Variants in SLC35D4 observed in about 807,000 individuals in gnomAD.
SLC35D4 encodes solute carrier family 35 member D4.
the SLC35D4 span, chr18:23,373,627 G>A: frequency 2.0e-6 from 3 of 1,482,346 alleles, no homozygotes; most frequent in Non-Finnish European, 2.8e-6. Context: ...GCTTCTAAAA[G>A]GAAGGACTAG....
At chr18:23,266,422 AAC>A in the SLC35D4 span, among the ~76,000 whole-genome samples, 2 of 152,098 alleles carry the variant, frequency 1.3e-5, no homozygotes, top group South Asian at 2.1e-4. Flanking sequence ...AAAAAAAAAA[AAC>A]AAATCCTGCT....
At chr18:23,252,999 A>G in the SLC35D4 span, 1 of 1,613,796 alleles carries the variant, frequency 6.2e-7, no homozygotes, top group Non-Finnish European at 8.5e-7. Flanking sequence ...GGATCTCAAG[A>G]AGGACATGAA....
chr18:23,321,200 C>T, the SLC35D4 span, among the ~76,000 whole-genome samples: 2 of 152,198 alleles, frequency 1.3e-5, no homozygotes, highest in Admixed American at 1.3e-4. Context: ...GGGTTCTTCC[C>T]TCTCTGGAAA....
At chr18:23,308,222 C>T in the SLC35D4 span, among the ~76,000 whole-genome samples, 109 of 152,222 alleles carry the variant, frequency 7.2e-4, 1 homozygote, top group African/African-American at 2.3e-3. Context: ...GGAAGGCATC[C>T]GGGCCGAAGT....
At chr18:23,319,859 C>T in the SLC35D4 span, among the ~76,000 whole-genome samples, 2 of 152,192 alleles carry the variant, frequency 1.3e-5, no homozygotes, top group African/African-American at 4.8e-5. Context: ...CAGCCACTGG[C>T]TTTGTGGTTG....
the SLC35D4 span, among the ~76,000 whole-genome samples, chr18:23,391,532 T>G: frequency 3.3e-5 from 5 of 152,220 alleles, no homozygotes; most frequent in African/African-American, 9.6e-5. Context: ...TGACTTTTTT[T>G]GCTAGAATGC....
the SLC35D4 span, chr18:23,259,692 A>C: frequency 6.6e-6 from 1 of 152,280 alleles, no homozygotes; most frequent in African/African-American, 2.4e-5. Context: ...GATGCAGGTC[A>C]CTGCCAGAGG....
the SLC35D4 span, among the ~76,000 whole-genome samples, chr18:23,273,320 G>A: frequency 1.2e-3 from 188 of 152,294 alleles, 5 homozygotes; most frequent in East Asian, 0.034. Context: ...AAAGAAGGAA[G>A]GAGAAGCGTA....
At chr18:23,352,674 T>C in the SLC35D4 span, among the ~76,000 whole-genome samples, 10 of 152,134 alleles carry the variant, frequency 6.6e-5, no homozygotes. Context: ...AGGAAAAGAC[T>C]TCCAAAGGGA....
At chr18:23,370,771 T>G in the SLC35D4 span, among the ~76,000 whole-genome samples, 2 of 152,226 alleles carry the variant, frequency 1.3e-5, no homozygotes, top group Non-Finnish European at 2.9e-5. Flanking sequence ...TGACATGAAC[T>G]TCTGGATATC....
At chr18:23,339,911 T>C in the SLC35D4 span, among the ~76,000 whole-genome samples, 2 of 152,186 alleles carry the variant, frequency 1.3e-5, no homozygotes, top group African/African-American at 4.8e-5. Flanking sequence ...CCTTGGGGCT[T>C]AGGATTTCAA....
the SLC35D4 span, among the ~76,000 whole-genome samples, chr18:23,304,151 C>T: frequency 7.3e-5 from 11 of 150,600 alleles, no homozygotes; most frequent in Admixed American, 7.3e-4. Context: ...GTGGCGGGCA[C>T]CTGTGGTCCC....
At chr18:23,336,367 T>C in the SLC35D4 span, among the ~76,000 whole-genome samples, 1 of 152,224 alleles carries the variant, frequency 6.6e-6, no homozygotes, top group Admixed American at 6.5e-5. Flanking sequence ...GCTGTTATTA[T>C]TGCCGAGCGA....
chr18:23,282,452 C>T, the SLC35D4 span, among the ~76,000 whole-genome samples: 4,646 of 152,316 alleles, frequency 0.031, 213 homozygotes, highest in African/African-American at 0.097. Context: ...CTGGGGAGCA[C>T]GGAATGTCTG....
chr18:23,245,230 G>C, the SLC35D4 span, among the ~76,000 whole-genome samples: 1 of 152,160 alleles, frequency 6.6e-6, no homozygotes, highest in Non-Finnish European at 1.5e-5. Context: ...AGGATGGGCC[G>C]GGCGTAGTGC....
chr18:23,340,591 C>T, the SLC35D4 span, among the ~76,000 whole-genome samples: 1 of 152,010 alleles, frequency 6.6e-6, no homozygotes, highest in African/African-American at 2.4e-5. Context: ...TAAATGAAAC[C>T]AAATCAAGAG....
chr18:23,313,893 A>T, the SLC35D4 span, among the ~76,000 whole-genome samples: 2 of 152,138 alleles, frequency 1.3e-5, no homozygotes, highest in Non-Finnish European at 2.9e-5. Context: ...CTTGACTCTG[A>T]TCTCCAACCC....
At chr18:23,275,599 G>GTGCTGTGCTA in the SLC35D4 span, among the ~76,000 whole-genome samples, 5 of 19,106 alleles carry the variant, frequency 2.6e-4, no homozygotes, top group African/African-American at 1.9e-3. Flanking sequence ...AAAGAGTGCT[G>GTGCTGTGCTA]TGCTGTGCTG....
the SLC35D4 span, among the ~76,000 whole-genome samples, chr18:23,396,198 G>C: frequency 2.0e-5 from 3 of 152,166 alleles, no homozygotes; most frequent in African/African-American, 7.2e-5. Context: ...AGAAGCTACA[G>C]ATCAGGAGAA....
Sources: gnomAD v4.1 joint callset for allele counts (sites outside exome capture counted in the v4.1 genomes callset) on GRCh38, gnomAD v4.1.1 for gene constraint, MANE v1.5 for transcripts, NCBI Gene and HGNC (gene_info 2026-07-23, HGNC 2026-07-21) for gene names.